The following ZNF77 variants were observed in gnomAD, a reference collection of about 807,000 sequenced individuals.
ZNF77 encodes the protein ZNFpT1.
In ZNF77, 15 loss-of-function variants were observed where a neutral mutation model predicts 13.5. That is an observed-to-expected ratio of 1.11 (90% CI 0.74 to 1.71). The LOEUF (loss-of-function observed/expected upper bound fraction) is 1.71. ZNF77 is among the 40% of genes most tolerant of loss of function. The pLI is 0.00. For missense variants in ZNF77, 717 were observed against 676.4 expected (o/e 1.06, Z -0.67); for synonymous variants, 282 against 250.0 (o/e 1.13, Z -1.21).
At chr19:2,940,711 T>C (rs1312736189) in intron 1 of ZNF77, among the ~76,000 whole-genome samples, 1 of 150,184 alleles carries the variant, frequency 6.7e-6, no homozygotes, top group Non-Finnish European at 1.5e-5. Context: ...TGTAGAATAC[T>C]GGCCTGATCT....
At chr19:2,938,737 A>G (rs1253424106) in intron 2 of ZNF77, among the ~76,000 whole-genome samples, 1 of 152,160 alleles carries the variant, frequency 6.6e-6, no homozygotes, top group Non-Finnish European at 1.5e-5. Flanking sequence ...CGGGCGGATC[A>G]CGAGGTCAGG....
chr19:2,940,361 C>CA (rs796810962), intron 1 of ZNF77, among the ~76,000 whole-genome samples: 8,461 of 139,812 alleles, frequency 0.061, 285 homozygotes, highest in Non-Finnish European at 0.076. Context: ...CTGTCTCTAC[C>CA]AAAAAAAAAA....
Position 2,933,477 on chromosome 19 carries a change from G to A in ZNF77, c.*12C>T. On this transcript the variant is annotated 3_prime_UTR_variant, in exon 4 of 4. Transcript: ENST00000314531. ...GGTTGAACACTCTCCCAGGTCCACT[G>A]TATTCGTAGATTCACGCTCCAGCAT... 2.6e-6 allele frequency: 4 copies of A among 1,543,770 alleles called. No homozygotes were observed. The South Asian group carries it at 5.1e-5, about 19-fold the overall frequency.
chr19:2,939,752 G>C, intron 1 of ZNF77: 1 of 285,680 alleles, frequency 3.5e-6, no homozygotes. Context: ...TGCGAGGATT[G>C]CTTAGGGCCA....
At position 2,936,532 on chromosome 19, in the gene ZNF77, C is replaced by A; in HGVS notation, c.303G>T (p.Arg101Ser). 6.2e-7 allele frequency: 1 copy of A among 1,600,464 alleles called. No homozygotes were observed. Among genetic ancestry groups the A allele is most frequent in the Non-Finnish European group, 8.5e-7 (1 of 1,176,064 alleles). Residue 101 changes from arginine (R) to serine (S), a missense_variant, in exon 3 of 4, where the codon AGG becomes AGT. Arg to Ser is a moderately radical substitution (Grantham distance 110). Transcript: ENST00000314531. ...NTGDQHQIPQ[R>S]HLRSQLGRLC... ...GGTTGAGCGCCACTCACCTCAGATG[C>A]CTCTGTGGGATTTGGTGCTGATCTC...
At chr19:2,936,483 C>T in intron 3 of ZNF77, 41 bp downstream of exon 3, 1 of 1,531,886 alleles carries the variant, frequency 6.5e-7, no homozygotes, top group Non-Finnish European at 8.7e-7. Flanking sequence ...TAGTTTGATG[C>T]TCTGCGGAGA....
At chr19:2,935,036 T>C (rs117400624) in intron 3 of ZNF77, among the ~76,000 whole-genome samples, 3,215 of 152,312 alleles carry the variant, frequency 0.021, 53 homozygotes, top group Middle Eastern at 0.099. Flanking sequence ...CTTCTTTTTT[T>C]GAGATGGAGT....
At chr19:2,939,594 G>C in intron 1 of ZNF77, 187 bp from the exon 2 acceptor site, 1 of 699,898 alleles carries the variant, frequency 1.4e-6, no homozygotes, top group Non-Finnish European at 2.3e-6. Flanking sequence ...AGGGAGCAAA[G>C]CGCAATGACG....
Position 2,933,705 on chromosome 19 carries a change from G to T in ZNF77, c.1422C>A (p.Ser474Arg), listed in dbSNP as rs2088365234. The T allele has an allele frequency of 6.2e-7, 1 of 1,611,488 alleles. No homozygotes were observed. The highest frequency in any genetic ancestry group is 2.2e-5 in the East Asian group (1 of 44,806). ...CATGCTTTTGAAAGTACTGAGCGTG[G>T]CTGAAGGCTTTCCCACATTGATTAC... ...YECNQCGKAF[S>R]HAQYFQKHVR... is the part of the protein sequence containing the mutation. Residue 474 changes from serine to arginine, a missense_variant, in exon 4 of 4, where the codon AGC (serine) becomes AGA (arginine). Ser to Arg is a moderately radical substitution (Grantham distance 110). Coordinates refer to ENST00000314531, the MANE Select transcript of ZNF77 (RefSeq NM_021217.3).
intron 2 of ZNF77, among the ~76,000 whole-genome samples, chr19:2,938,539 C>A (rs2088417184): frequency 6.6e-6 from 1 of 152,202 alleles, no homozygotes; most frequent in Middle Eastern, 3.2e-3. Flanking sequence ...ACCTAAATAT[C>A]AATCATACAC....
At chr19:2,941,759 C>G (rs546065075) in intron 1 of ZNF77, among the ~76,000 whole-genome samples, 1 of 152,254 alleles carries the variant, frequency 6.6e-6, no homozygotes, top group East Asian at 1.9e-4. Context: ...CTGTCTGATG[C>G]GCAGATACTA....
Position 2,934,755 on chromosome 19 carries a change from G to T in ZNF77, c.372C>A (p.Ser124Arg). The T allele has an allele frequency of 6.2e-7, 1 of 1,614,054 alleles. No homozygotes were observed. Among genetic ancestry groups the T allele is most frequent in the Non-Finnish European group, 8.5e-7 (1 of 1,179,966 alleles). ...NEGHQCGETLSQTANLLVHKS... is the reference protein window; with the variant it reads ...NEGHQCGETLRQTANLLVHKS... ...TGTGCACAAGAAGGTTCGCAGTCTGGCTCAAGGTCTCTCCGCATTGATGAC... is the reference window on the plus strand; with the variant it reads ...TGTGCACAAGAAGGTTCGCAGTCTGTCTCAAGGTCTCTCCGCATTGATGAC... The change falls in exon 4 of 4, where the codon AGC becomes AGA. Residue 124 changes from serine to arginine, a missense_variant. Physicochemically the swap from Ser to Arg is moderately radical, Grantham distance 110. Coordinates refer to ENST00000314531, the MANE Select transcript of ZNF77 (RefSeq NM_021217.3).
Position 2,944,268 on chromosome 19 carries a change from C to T in ZNF77, c.3+570G>A, listed in dbSNP as rs190315284. Among the ~76,000 whole-genome samples the T allele has an allele frequency of 5.9e-3, 843 of 143,016 alleles. 5 individuals are homozygous for T. The highest frequency in any genetic ancestry group is 8.9e-3 in the Non-Finnish European group (582 of 65,544). The allele number at this position is 143,016 out of a possible 152,430, so 93.8% of individuals were successfully genotyped here. A position where few individuals can be genotyped will look rare whatever the true frequency, so the allele number is the denominator to read the frequency against. Reference sequence around the variant, plus strand: ...TGAGCCCCTGACTGCTTCTGCTGTCCCCTCGAGCTGCCCCCAAACTCCCGA... The same window carrying T: ...TGAGCCCCTGACTGCTTCTGCTGTCTCCTCGAGCTGCCCCCAAACTCCCGA... On this transcript the variant is annotated intron_variant, in intron 1 of 3. Coordinates refer to ENST00000314531, the MANE Select transcript of ZNF77 (RefSeq NM_021217.3).
intron 3 of ZNF77, among the ~76,000 whole-genome samples, chr19:2,935,079 C>T (rs557814867): frequency 3.4e-4 from 51 of 152,120 alleles, no homozygotes; most frequent in Admixed American, 1.0e-3. Flanking sequence ...AGTGCAGTGG[C>T]GCCATCTCGG....
In ZNF77 at chr19:2,936,591, T is replaced by C. The variant is rs765259213; in HGVS notation, c.244A>G (p.Ile82Val). ...TCAAATCTCCAATTTTCTCCAAAAA[T>C]AGACCAGGAATCACTTCCTGTGAAC... ...VKFTGSDSWS[I>V]FGENWRFDNT... is the part of the protein sequence containing the mutation. The change falls in exon 3 of 4, where the codon ATT becomes GTT. Residue 82 changes from isoleucine (I) to valine (V), a missense_variant. Coordinates refer to ENST00000314531, the MANE Select transcript of ZNF77 (RefSeq NM_021217.3). 15 of 1,610,990 alleles carry C rather than the reference T, an allele frequency of 9.3e-6. No homozygotes were observed. Among genetic ancestry groups the C allele is most frequent in the Admixed American group, 1.7e-5 (1 of 59,212 alleles).
Position 2,934,647 on chromosome 19 carries a change from T to G in ZNF77, c.480A>C (p.Gly160=), listed in dbSNP as rs763724196. Residue 160 remains glycine, a synonymous_variant, in exon 4 of 4, where the codon GGA becomes GGC. Transcript: ENST00000314531. ...GCCCACATTCCTTACACGGTCTCTGTCCAGTGTGAGATCTCTGCCGATTCT... is the reference window on the plus strand; with the variant it reads ...GCCCACATTCCTTACACGGTCTCTGGCCAGTGTGAGATCTCTGCCGATTCT... ...AFENRQRSHT[G]QRPCKECGQA... The G allele has an allele frequency of 2.2e-5, 35 of 1,614,054 alleles. No individual in the cohort carries two copies. Among genetic ancestry groups the G allele is most frequent in the African/African-American group, 5.3e-5 (4 of 74,916 alleles).
chr19:2,943,692 ATTTT>A (rs10633206), intron 1 of ZNF77, among the ~76,000 whole-genome samples: 1 of 76,770 alleles, frequency 1.3e-5, no homozygotes, highest in Admixed American at 1.9e-4. Context: ...TCTAGCCAGG[ATTTT>A]TTTTTTTTTT....
At chr19:2,936,489 G>A (rs368528813) in intron 3 of ZNF77, 35 bp downstream of exon 3, 82 of 1,547,020 alleles carry the variant, frequency 5.3e-5, no homozygotes, top group Non-Finnish European at 6.6e-5. Flanking sequence ...GATGCTCTGC[G>A]GAGAGGCCCA....
intron 1 of ZNF77, 46 bp downstream of exon 1, chr19:2,944,792 C>G (rs1161605478): frequency 2.0e-6 from 3 of 1,497,418 alleles, no homozygotes; most frequent in Non-Finnish European, 2.7e-6. Context: ...GTTCCTGCCG[C>G]CCCACCTCGC....
Sources: allele counts gnomAD v4.1 joint callset (sites outside exome capture counted in the v4.1 genomes callset), GRCh38; gene constraint gnomAD v4.1.1; transcripts MANE v1.5; gene names NCBI Gene and HGNC (gene_info 2026-07-23, HGNC 2026-07-21).